PRR14L: variants seen among roughly 807,000 people sequenced by gnomAD.
PRR14L encodes protein PRR14L.
In PRR14L, 80 loss-of-function variants were observed where a neutral mutation model predicts 155.0. That is an observed-to-expected ratio of 0.52 (90% CI 0.43 to 0.62). The LOEUF is 0.62. Among genes scored for constraint, PRR14L ranks in the 20% least tolerant of loss-of-function variants. The pLI is 0.00. For missense variants in PRR14L, 2,469 were observed against 2,548.0 expected, an observed-to-expected ratio of 0.97 and a Z score of 0.67; for synonymous variants, 883 against 916.0, an observed-to-expected ratio of 0.96 and a Z score of 0.65.
At chr22:31,703,766 T>C in intron 5 of PRR14L, 45 bp from the exon 6 acceptor site, 7 of 1,251,270 alleles carry the variant, frequency 5.6e-6, no homozygotes, top group Non-Finnish European at 7.6e-6. Flanking sequence ...GTTCCCTTTC[T>C]ACTTCCAGCA....
intron 2 of PRR14L, among the ~76,000 whole-genome samples, chr22:31,732,380 C>T (rs182127533): frequency 3.6e-4 from 55 of 152,308 alleles, no homozygotes; most frequent in African/African-American, 1.3e-3. Context: ...GAGTGTCTCA[C>T]TGTGCCTACA....
chr22:31,734,819 T>TA (rs2074769763), intron 2 of PRR14L, among the ~76,000 whole-genome samples: 1 of 152,210 alleles, frequency 6.6e-6, no homozygotes, highest in African/African-American at 2.4e-5. Context: ...CAGGAAAGTA[T>TA]AATACTCTAG....
intron 3 of PRR14L, among the ~76,000 whole-genome samples, chr22:31,722,419 A>G (rs1205494727): frequency 7.0e-6 from 1 of 142,282 alleles, no homozygotes; most frequent in East Asian, 2.0e-4. Flanking sequence ...GACAGAAAGA[A>G]AAAAAAAAAA....
At chr22:31,725,272 G>A (rs2074710402) in intron 3 of PRR14L, among the ~76,000 whole-genome samples, 1 of 152,048 alleles carries the variant, frequency 6.6e-6, no homozygotes, top group Admixed American at 6.6e-5. Flanking sequence ...CAGGCATGGT[G>A]GGTCACGCCT....
chr22:31,710,986 A>G (rs188906331), intron 4 of PRR14L, among the ~76,000 whole-genome samples: 1 of 152,366 alleles, frequency 6.6e-6, no homozygotes, highest in East Asian at 1.9e-4. Context: ...TTCATAAACC[A>G]TATCTGGTGA....
intron 1 of PRR14L, among the ~76,000 whole-genome samples, chr22:31,741,252 CAAAAAA>C (rs139593821): frequency 1.6e-4 from 4 of 25,694 alleles, no homozygotes; most frequent in Non-Finnish European, 2.9e-4. Flanking sequence ...GGCTCTGTCT[CAAAAAA>C]AAAAAAAAAA....
chr22:31,733,381 T>C (rs1254148916), intron 2 of PRR14L, among the ~76,000 whole-genome samples: 1 of 61,094 alleles, frequency 1.6e-5, no homozygotes, highest in Non-Finnish European at 3.0e-5. Flanking sequence ...CTTGGCTCAC[T>C]GCAACCTCCG....
At chr22:31,731,565 CAAAAAAAAAAAAAAAAAAAA>C (rs55727852) in intron 2 of PRR14L, among the ~76,000 whole-genome samples, 2 of 49,248 alleles carry the variant, frequency 4.1e-5, no homozygotes, top group Non-Finnish European at 7.9e-5. Flanking sequence ...GAGACTGTCT[CAAAAAAAAAAAAAAAAAAAA>C]AAAAAAAAGA....
intron 2 of PRR14L, among the ~76,000 whole-genome samples, chr22:31,736,705 C>T (rs1173969532): frequency 5.3e-5 from 8 of 151,950 alleles, no homozygotes; most frequent in African/African-American, 1.7e-4. Flanking sequence ...TTGCCTCTGC[C>T]CACTTTATGC....
chr22:31,745,555 C>A (rs2147879409), intron 1 of PRR14L, among the ~76,000 whole-genome samples: 1 of 152,032 alleles, frequency 6.6e-6, no homozygotes, highest in Non-Finnish European at 1.5e-5. Flanking sequence ...TGTAGAAATA[C>A]ATCTCTACAG....
rs5753756 is a variant in PRR14L, at chr22:31,695,591, A to G, written c.6107+6065T>C. 0.019 allele frequency among the ~76,000 whole-genome samples: 2,960 copies of G among 152,152 alleles called. 397 individuals are homozygous for G. The East Asian group carries it at 0.33, about 17-fold the overall frequency. ...GTGGTAACCTGACTTCCTGATGGTC[A>G]TTTCCTGTCACTCTCCTGAAGCAAA... On this transcript the variant is annotated intron_variant, in intron 7 of 8. Coordinates refer to ENST00000327423, the MANE Select transcript of PRR14L (RefSeq NM_173566.3).
chr22:31,709,294 C>G (rs2074608139), intron 4 of PRR14L, among the ~76,000 whole-genome samples: 1 of 150,994 alleles, frequency 6.6e-6, no homozygotes, highest in African/African-American at 2.4e-5. Flanking sequence ...GCTCTGTTGC[C>G]CAGGCTAGAG....
intron 4 of PRR14L, 40 bp from the exon 5 acceptor site, chr22:31,704,766 A>G: frequency 6.6e-7 from 1 of 1,512,686 alleles, no homozygotes; most frequent in South Asian, 1.1e-5. Context: ...AGGTAAGGGC[A>G]GTGGGATAAC....
intron 7 of PRR14L, among the ~76,000 whole-genome samples, chr22:31,690,105 T>C (rs952280774): frequency 1.3e-5 from 2 of 152,084 alleles, no homozygotes; most frequent in African/African-American, 4.8e-5. Flanking sequence ...TTAGTAGAGA[T>C]AGGGTATCAC....
rs1233072443 is a variant in PRR14L, at chr22:31,716,371, G to C, written c.1468C>G (p.Pro490Ala). 1 of 1,550,466 alleles carries C rather than the reference G, an allele frequency of 6.4e-7. No homozygotes were observed. Among genetic ancestry groups the C allele is most frequent in the South Asian group, 1.2e-5 (1 of 83,736 alleles). Residue 490 changes from proline (P) to alanine (A), a missense_variant, in exon 4 of 9, where the codon CCT becomes GCT. This residue lies in a region of PRR14L where 2,363 missense variants were observed against 2,371.6 expected (regional missense o/e 1.00). Transcript: ENST00000327423. ...TVHVQGNLTN[P>A]EDHKETFTNM... Reference sequence around the variant, plus strand: ...GTAAAAGTTTCTTTATGGTCCTCAGGGTTTGTCAAGTTACCTTGAACGTGT... The same window carrying C: ...GTAAAAGTTTCTTTATGGTCCTCAGCGTTTGTCAAGTTACCTTGAACGTGT...
At chr22:31,749,065 T>C (rs1251630908) in intron 1 of PRR14L, among the ~76,000 whole-genome samples, 2 of 152,192 alleles carry the variant, frequency 1.3e-5, no homozygotes, top group Non-Finnish European at 2.9e-5. Context: ...ACAGATTAAG[T>C]AATAGTAATA....
chr22:31,742,262 T>C (rs545975337), intron 1 of PRR14L, among the ~76,000 whole-genome samples: 1 of 152,202 alleles, frequency 6.6e-6, no homozygotes, highest in Non-Finnish European at 1.5e-5. Flanking sequence ...GAGATATGGG[T>C]GTTCTTAAAA....
chr22:31,746,994 C>A (rs961595742), intron 1 of PRR14L, among the ~76,000 whole-genome samples: 1 of 151,484 alleles, frequency 6.6e-6, no homozygotes, highest in Non-Finnish European at 1.5e-5. Flanking sequence ...TTAGTAGAGA[C>A]GGGGTTTCAC....
chr22:31,742,291 T>G (rs1445305935), intron 1 of PRR14L, among the ~76,000 whole-genome samples: 1 of 152,050 alleles, frequency 6.6e-6, no homozygotes, highest in African/African-American at 2.4e-5. Flanking sequence ...TTGACTACTC[T>G]CTTTTTAGGC....
Sources: gnomAD v4.1 joint callset for allele counts (sites outside exome capture counted in the v4.1 genomes callset) on GRCh38, gnomAD v4.1.1 for gene constraint, gnomAD v4.1.1 regional missense constraint, MANE v1.5 for transcripts, NCBI Gene and HGNC (gene_info 2026-07-23, HGNC 2026-07-21) for gene names.